Variants in TLDC2 observed in about 807,000 individuals in gnomAD.
TLDC2 encodes the protein TLD domain-containing protein 2.
Under a neutral mutation model 27.9 loss-of-function variants are expected in TLDC2, and 23 were observed. That is an observed-to-expected ratio of 0.82 (90% CI 0.59 to 1.17). TLDC2 has a LOEUF of 1.17. TLDC2 is among the 50% of genes most tolerant of loss of function. TLDC2 has a pLI of 0.00. For missense variants in TLDC2, 286 were observed against 273.4 expected, an observed-to-expected ratio of 1.05 and a Z score of -0.32; for synonymous variants, 124 against 107.4, an observed-to-expected ratio of 1.16 and a Z score of -0.96.
chr20:36,887,588 G>T, intron 5 of TLDC2, 60 bp downstream of exon 5: 1 of 1,506,994 alleles, frequency 6.6e-7, no homozygotes, highest in Non-Finnish European at 9.2e-7. Context: ...CTTTCCCTCT[G>T]CCGAACTGCT....
In TLDC2 at chr20:36,887,552, T is replaced by G. The variant is rs780992675; in HGVS notation, c.512+24T>G. On this transcript the variant is annotated intron_variant, in intron 5 of 6. Coordinates refer to ENST00000217320, the MANE Select transcript of TLDC2 (RefSeq NM_080628.3). ...AGGTGAGTGTCTCAGTCTTCCCGAG[T>G]CTTGGGGCGGTCTGTGTTCTGGTCC... is the stretch of plus-strand genomic sequence containing the variant. 9.3e-6 allele frequency: 15 copies of G among 1,608,860 alleles called. No individual in the cohort carries two copies. The South Asian group carries it at 1.6e-4, about 18-fold the overall frequency.
Position 36,879,166 on chromosome 20 carries a change from G to T in TLDC2, c.315G>T (p.Leu105=). ...TGGAGGGCTGCAGCGGGCCAGTGCT[G>T]CTGGTGCTCAGGGACCAGGACGGGC... ...RRMEGCSGPV[L]LVLRDQDGQI... Residue 105 remains leucine (L), a synonymous_variant, in exon 3 of 7, where the codon CTG becomes CTT. Transcript: ENST00000217320. The T allele has an allele frequency of 6.2e-7, 1 of 1,613,826 alleles. No individual in the cohort carries two copies. Among genetic ancestry groups the T allele is most frequent in the Non-Finnish European group, 8.5e-7 (1 of 1,179,988 alleles).
chr20:36,891,361 T>G (rs1412938206), intron 6 of TLDC2: 1 of 152,248 alleles, frequency 6.6e-6, no homozygotes, highest in Non-Finnish European at 1.5e-5. Flanking sequence ...GTGGTCTGAG[T>G]TCCCCTACTT....
intron 4 of TLDC2, among the ~76,000 whole-genome samples, chr20:36,881,390 A>G (rs1601097075): frequency 2.0e-5 from 3 of 152,130 alleles, no homozygotes; most frequent in South Asian, 2.1e-4. Context: ...AAAAAAAAAA[A>G]AAAAGAAATA....
chr20:36,890,413 T>TCTTTC (rs1990040356), intron 6 of TLDC2: 1 of 150,370 alleles, frequency 6.7e-6, no homozygotes, highest in Non-Finnish European at 1.5e-5. Context: ...TTTCTTTCTT[T>TCTTTC]CTTTCTTTTC....
At chr20:36,889,670 C>A in intron 6 of TLDC2, 1 of 288,368 alleles carries the variant, frequency 3.5e-6, no homozygotes, top group Non-Finnish European at 6.4e-6. Flanking sequence ...AAATCCACAT[C>A]TCTTCCCCGC....
chr20:36,878,003 G>A lies in TLDC2; in HGVS notation c.138G>A (p.Val46=). ...DPAAAPEDPT[V]PQLTEASQVL... ...CTGCTGCTCCTGAGGATCCCACGGTGCCCCAGCTGACAGAAGCCAGCCAGG... is the reference window on the plus strand; with the variant it reads ...CTGCTGCTCCTGAGGATCCCACGGTACCCCAGCTGACAGAAGCCAGCCAGG... The change falls in exon 2 of 7, where the codon GTG becomes GTA. Residue 46 remains valine (V), a synonymous_variant. Transcript: ENST00000217320. The A allele has an allele frequency of 6.2e-7, 1 of 1,614,100 alleles. No homozygotes were observed.
chr20:36,884,816 C>T (rs958135155), intron 4 of TLDC2, among the ~76,000 whole-genome samples: 3 of 150,680 alleles, frequency 2.0e-5, no homozygotes, highest in Admixed American at 6.6e-5. Context: ...ACACCCAGCC[C>T]TAGGAAGCCC....
intron 5 of TLDC2, 30 bp downstream of exon 5, chr20:36,887,558 G>A: frequency 6.2e-7 from 1 of 1,603,908 alleles, no homozygotes; most frequent in Non-Finnish European, 8.5e-7. Flanking sequence ...CGAGTCTTGG[G>A]GCGGTCTGTG....
Position 36,876,198 on chromosome 20 carries a change from CACTCGGCTGGTAAGGGTTCCA to C in TLDC2, c.29_33+16del. 6.2e-7 allele frequency: 1 copy of C among 1,614,168 alleles called. No homozygotes were observed. Among genetic ancestry groups the C allele is most frequent in the Non-Finnish European group, 8.5e-7 (1 of 1,180,006 alleles). On this transcript the variant is annotated splice_donor_variant and splice_donor_5th_base_variant and coding_sequence_variant and intron_variant, in exon 1 of 7. Transcript: ENST00000217320. LOFTEE classifies it high-confidence loss of function. The stretch of plus-strand genomic sequence containing the variant: ...GAATGAGAGGCCTCCGCTGGCGTTA[CACTCGGCTGGTAAGGGTTCCA>C]ACTCCGTCTGTGGTGCAGGTTGGGA...
intron 4 of TLDC2, 73 bp downstream of exon 4, chr20:36,880,823 C>A (rs758220254): frequency 7.5e-7 from 1 of 1,341,520 alleles, no homozygotes. Flanking sequence ...CCAGTGGCTC[C>A]CAGCTCCATC....
At chr20:36,879,727 G>A (rs1229849984) in intron 3 of TLDC2, among the ~76,000 whole-genome samples, 2 of 151,766 alleles carry the variant, frequency 1.3e-5, no homozygotes, top group South Asian at 4.2e-4. Context: ...AAATTAGCCA[G>A]GTGTGGTGGT....
chr20:36,893,153 T>G lies in TLDC2; in HGVS notation c.*309T>G. ...TGAGTGAAAGTCTCAAGTGCGCACA[T>G]CCTCATCTTGCATATAGATTGCTTC... On this transcript the variant is annotated 3_prime_UTR_variant, in exon 7 of 7. Transcript: ENST00000217320. 6.7e-7 allele frequency: 1 copy of G among 1,500,566 alleles called. No individual in the cohort carries two copies. Among genetic ancestry groups the G allele is most frequent in the Non-Finnish European group, 9.2e-7 (1 of 1,090,098 alleles). 93.0% of individuals were successfully genotyped at this position (1,500,566 alleles called of 1,614,324 possible). A position where few individuals can be genotyped will look rare whatever the true frequency, so the allele number is the denominator to read the frequency against.
chr20:36,887,397 C>T lies in TLDC2; in HGVS notation c.439-58C>T. ...TGCCATCCAGTGGTTCGGGGTCAAA[C>T]TGCAAGGGCGGGACTCGCTCGCTTA... is the stretch of plus-strand genomic sequence containing the variant. On this transcript the variant is annotated intron_variant, in intron 4 of 6. Transcript: ENST00000217320. The T allele has an allele frequency of 4.6e-6, 7 of 1,514,148 alleles. No individual in the cohort carries two copies. In the South Asian group the frequency reaches 7.9e-5, roughly 17 times the overall value. 93.8% of individuals were successfully genotyped at this position (1,514,148 alleles called of 1,614,324 possible).
chr20:36,880,962 C>T (rs916435175), intron 4 of TLDC2, among the ~76,000 whole-genome samples: 6 of 152,196 alleles, frequency 3.9e-5, no homozygotes, highest in African/African-American at 1.2e-4. Flanking sequence ...CTCTGGCAAC[C>T]GCTGACTGGC....
At chr20:36,889,920 T>TGC (rs1233867906) in intron 6 of TLDC2, 2 of 152,368 alleles carry the variant, frequency 1.3e-5, no homozygotes, top group Non-Finnish European at 2.9e-5. Flanking sequence ...TGTGTGTGTG[T>TGC]GTGTGTGTGT....
intron 2 of TLDC2, among the ~76,000 whole-genome samples, 162 bp from the exon 3 acceptor site, chr20:36,878,879 G>A (rs984741913): frequency 1.3e-5 from 2 of 152,054 alleles, no homozygotes; most frequent in South Asian, 2.1e-4. Context: ...CCCTATCTCC[G>A]AGGGCTATGG....
rs1322057272 is a variant in TLDC2, at chr20:36,893,782, T to G, written c.*938T>G. The G allele has an allele frequency of 1.0e-5, 4 of 397,412 alleles. No homozygotes were observed. Among genetic ancestry groups the G allele is most frequent in the Admixed American group, 4.4e-5 (1 of 22,672 alleles). 24.6% of individuals were successfully genotyped at this position (397,412 alleles called of 1,614,324 possible). ...ATGCTGGTGGGAGGATTCGTGCTCC[T>G]CATCTGCTTATTTGCTCTCAGATCC... On this transcript the variant is annotated 3_prime_UTR_variant, in exon 7 of 7. Coordinates refer to ENST00000217320, the MANE Select transcript of TLDC2 (RefSeq NM_080628.3).
intron 4 of TLDC2, among the ~76,000 whole-genome samples, chr20:36,884,718 T>G (rs1410564234): frequency 6.6e-6 from 1 of 151,634 alleles, no homozygotes. Context: ...TCATTGCTCA[T>G]GCCACTGCAT....
Sources: gnomAD v4.1 joint callset for allele counts (sites outside exome capture counted in the v4.1 genomes callset) on GRCh38, gnomAD v4.1.1 for gene constraint, MANE v1.5 for transcripts, NCBI Gene and HGNC (gene_info 2026-07-23, HGNC 2026-07-21) for gene names.